SLC8A1: variants seen among roughly 807,000 people sequenced by gnomAD.
SLC8A1 encodes solute carrier family 8 member A1.
SLC8A1 carries 18 observed loss-of-function variants against 68.3 expected under a neutral mutation model. That is an observed-to-expected ratio of 0.26 (90% CI 0.18 to 0.39). SLC8A1 has a LOEUF of 0.39. SLC8A1 is among the 10% of genes least tolerant of loss of function. SLC8A1 has a pLI of 1.00. For missense variants in SLC8A1, 985 were observed against 1,156.7 expected (o/e 0.85, Z 2.15); for synonymous variants, 475 against 415.5 (o/e 1.14, Z -1.74).
At chr2:40,279,718 A>G (rs959460193) in intron 2 of SLC8A1, among the ~76,000 whole-genome samples, 13 of 152,166 alleles carry the variant, frequency 8.5e-5, no homozygotes, top group Non-Finnish European at 1.5e-4. Flanking sequence ...TCAGCCTTGT[A>G]AAGTACACTG....
chr2:40,502,403 A>G (rs896879005), intron 1 of SLC8A1, among the ~76,000 whole-genome samples: 1 of 151,996 alleles, frequency 6.6e-6, no homozygotes, highest in African/African-American at 2.4e-5. Context: ...ATTTGAGGGT[A>G]AGGGCTGTGT....
chr2:40,431,099 G>T (rs779781704), intron 1 of SLC8A1, among the ~76,000 whole-genome samples: 1 of 152,258 alleles, frequency 6.6e-6, no homozygotes, highest in Non-Finnish European at 1.5e-5. Context: ...TAGCAGCTGG[G>T]CATCTGGTTC....
At chr2:40,132,017 C>G (rs1190607024) in intron 7 of SLC8A1, among the ~76,000 whole-genome samples, 3 of 151,816 alleles carry the variant, frequency 2.0e-5, no homozygotes, top group Non-Finnish European at 4.4e-5. Context: ...AGCATGGACT[C>G]CATTAGGTGT....
chr2:40,174,049 T>A (rs1456873565), intron 4 of SLC8A1, among the ~76,000 whole-genome samples: 1 of 152,166 alleles, frequency 6.6e-6, no homozygotes. Flanking sequence ...ATTTTGACAT[T>A]TTGAGTTTTT....
intron 2 of SLC8A1, among the ~76,000 whole-genome samples, chr2:40,260,701 T>C (rs953053823): frequency 6.6e-6 from 1 of 151,942 alleles, no homozygotes; most frequent in African/African-American, 2.4e-5. Flanking sequence ...TCTGCTGAAT[T>C]ATTGACCTTT....
At chr2:40,472,160 A>G (rs879747495) in intron 1 of SLC8A1, among the ~76,000 whole-genome samples, 21 of 152,228 alleles carry the variant, frequency 1.4e-4, no homozygotes, top group Non-Finnish European at 2.2e-4. Context: ...TCCACTTTAT[A>G]TGACAACCTT....
At chr2:40,166,273 G>C (rs182499660) in intron 4 of SLC8A1, among the ~76,000 whole-genome samples, 1 of 152,142 alleles carries the variant, frequency 6.6e-6, no homozygotes, top group Non-Finnish European at 1.5e-5. Context: ...CTAGCTGCTC[G>C]TTGTGAGGGC....
At position 40,111,672 on chromosome 2, in the gene SLC8A1, A is replaced by G. The variant is rs142219985; in HGVS notation, c.*3581T>C. 2.0e-3 allele frequency: 310 copies of G among 152,270 alleles called. 2 individuals are homozygous for G. Among genetic ancestry groups the G allele is most frequent in the African/African-American group, 7.0e-3 (293 of 41,564 alleles). The allele number at this position is 152,270 out of a possible 1,614,324, so 9.4% of individuals were successfully genotyped here. ...CATCACTTCCTTCTATACTGTTTTG[A>G]CTATATGATATATGAAGTTAATAAG... On this transcript the variant is annotated 3_prime_UTR_variant, in exon 8 of 8. Coordinates refer to ENST00000406785, the Ensembl canonical transcript of SLC8A1.
At chr2:40,135,938 G>T (rs951647844) in intron 7 of SLC8A1, among the ~76,000 whole-genome samples, 4 of 152,166 alleles carry the variant, frequency 2.6e-5, no homozygotes, top group African/African-American at 9.7e-5. Context: ...TTACATGTCT[G>T]GCATCAATAT....
intron 2 of SLC8A1, among the ~76,000 whole-genome samples, chr2:40,231,878 C>T (rs1432712972): frequency 1.3e-5 from 2 of 152,126 alleles, no homozygotes; most frequent in Admixed American, 1.3e-4. Context: ...AGGTTAGGGA[C>T]ACTGGAACCA....
intron 2 of SLC8A1, among the ~76,000 whole-genome samples, chr2:40,227,842 G>C (rs925226878): frequency 1.3e-5 from 2 of 152,022 alleles, no homozygotes; most frequent in African/African-American, 4.8e-5. Context: ...CAACAAGTTA[G>C]TTGTGTTGTT....
intron 2 of SLC8A1, among the ~76,000 whole-genome samples, chr2:40,252,893 T>TG (rs1417322217): frequency 1.2e-4 from 8 of 66,978 alleles, no homozygotes; most frequent in Non-Finnish European, 1.5e-4. Context: ...TTGAGCCAAA[T>TG]TTTATATGTA....
intron 7 of SLC8A1, among the ~76,000 whole-genome samples, chr2:40,129,977 C>A (rs1164597659): frequency 1.3e-5 from 2 of 152,178 alleles, no homozygotes; most frequent in African/African-American, 4.8e-5. Context: ...CATCCCTGCT[C>A]CCTGGACCAC....
At chr2:40,215,826 T>A (rs935911541) in intron 2 of SLC8A1, among the ~76,000 whole-genome samples, 2 of 152,038 alleles carry the variant, frequency 1.3e-5, no homozygotes, top group Non-Finnish European at 2.9e-5. Context: ...ACCTTATAAT[T>A]GCTAAAGCCA....
intron 2 of SLC8A1, among the ~76,000 whole-genome samples, chr2:40,285,304 A>T (rs1467126413): frequency 2.0e-5 from 3 of 152,144 alleles, no homozygotes; most frequent in Admixed American, 6.6e-5. Context: ...CCCTTTCAAG[A>T]CTATAAGATA....
chr2:40,174,586 A>C (rs2048138226), intron 4 of SLC8A1, 120 bp downstream of exon 6: 1 of 953,452 alleles, frequency 1.0e-6, no homozygotes, highest in Admixed American at 2.4e-5. Context: ...GTGTAAAACC[A>C]GCAAGAGCAC....
intron 2 of SLC8A1, among the ~76,000 whole-genome samples, chr2:40,405,741 G>A (rs898616697): frequency 1.3e-5 from 2 of 152,118 alleles, no homozygotes; most frequent in Admixed American, 6.6e-5. Flanking sequence ...TGAGCTAACA[G>A]GTGCCTTATT....
At position 40,492,056 on chromosome 2, in the gene SLC8A1, A is replaced by G. The variant is rs549036763; in HGVS notation, c.-25+20293T>C. Among the ~76,000 whole-genome samples, 322 of 152,260 alleles carry G rather than the reference A, an allele frequency of 2.1e-3. 1 individual carries two copies. The highest frequency in any genetic ancestry group is 4.5e-3 in the Admixed American group (69 of 15,290). ...GCCAAGTCAATCCTAAGCCAAAAGA[A>G]CAAAGCTGCAGGCATCACACTACCT... On this transcript the variant is annotated intron_variant, in intron 1 of 7. Transcript: ENST00000402441.
At chr2:40,431,572 G>T (rs1191758096) in intron 1 of SLC8A1, among the ~76,000 whole-genome samples, 1 of 152,036 alleles carries the variant, frequency 6.6e-6, no homozygotes, top group Non-Finnish European at 1.5e-5. Context: ...TGGAGGTGAG[G>T]GGAAACTGAA....
Sources: allele counts gnomAD v4.1 joint callset (sites outside exome capture counted in the v4.1 genomes callset), GRCh38; gene constraint gnomAD v4.1.1; transcripts MANE v1.5; gene names NCBI Gene and HGNC (gene_info 2026-07-23, HGNC 2026-07-21).